The following PRPSAP1 variants were observed in gnomAD, a reference collection of about 807,000 sequenced individuals.
PRPSAP1 encodes the protein phosphoribosyl pyrophosphate synthetase associated protein 1.
A neutral mutation model predicts 39.4 loss-of-function variants in PRPSAP1; 31 were observed. The ratio of observed to expected loss-of-function variants is 0.79; its 90% CI spans 0.59 to 1.06. The LOEUF (loss-of-function observed/expected upper bound fraction) is 1.06. PRPSAP1 is among the 50% of genes least tolerant of loss of function. PRPSAP1 has a pLI of 0.00. For synonymous variants in PRPSAP1, 212 were observed against 192.6 expected (o/e 1.10, Z -0.83); for missense variants, 430 against 511.6 (o/e 0.84, Z 1.54).
At chr17:76,316,185 A>G (rs1345755460) in intron 7 of PRPSAP1, among the ~76,000 whole-genome samples, 1 of 146,276 alleles carries the variant, frequency 6.8e-6, no homozygotes, top group Non-Finnish European at 1.5e-5. Context: ...AAAAAAAAAA[A>G]AAAAAAGAAA....
At chr17:76,320,016 T>C (rs1219923230) in intron 7 of PRPSAP1, among the ~76,000 whole-genome samples, 1 of 151,154 alleles carries the variant, frequency 6.6e-6, no homozygotes, top group Non-Finnish European at 1.5e-5. Context: ...ACATCTGTAA[T>C]CCCAGCACTT....
chr17:76,338,536 C>T (rs1196194147), intron 3 of PRPSAP1, among the ~76,000 whole-genome samples: 2 of 151,850 alleles, frequency 1.3e-5, no homozygotes, highest in African/African-American at 2.4e-5. Flanking sequence ...AACCCCATCT[C>T]TACTAAAAAT....
rs2071367956 is a variant in PRPSAP1 at position 76,335,465 on chromosome 17, C to T, written c.291-3030G>A. ...CTGCCTCCTGGGTTCAAGCAATTCT[C>T]CTGCCTCAGCCTCTCAAGTAGCGGG... On this transcript the variant is annotated intron_variant, in intron 3 of 9. Coordinates refer to ENST00000446526, the MANE Select transcript of PRPSAP1 (RefSeq NM_002766.3). 2.0e-5 allele frequency among the ~76,000 whole-genome samples: 3 copies of T among 152,120 alleles called. No homozygotes were observed. In the South Asian group the frequency reaches 6.2e-4, roughly 31 times the overall value.
chr17:76,320,528 G>A (rs1250276422), intron 7 of PRPSAP1, among the ~76,000 whole-genome samples: 1 of 142,520 alleles, frequency 7.0e-6, no homozygotes, highest in Non-Finnish European at 1.5e-5. Flanking sequence ...AGGTTCAAGT[G>A]ATTTTCCTGA....
At chr17:76,351,602 G>A (rs1305761083) in intron 1 of PRPSAP1, among the ~76,000 whole-genome samples, 5 of 152,102 alleles carry the variant, frequency 3.3e-5, no homozygotes, top group African/African-American at 9.7e-5. Context: ...CAGGAGAATC[G>A]CTTGAACTTG....
chr17:76,322,566 T>C (rs904752822), intron 7 of PRPSAP1, among the ~76,000 whole-genome samples: 8 of 152,022 alleles, frequency 5.3e-5, no homozygotes, highest in African/African-American at 1.9e-4. Flanking sequence ...AATAAGGTGA[T>C]CCTCCCACCT....
At chr17:76,352,673 GA>G (rs1322529134) in intron 1 of PRPSAP1, among the ~76,000 whole-genome samples, 9 of 139,324 alleles carry the variant, frequency 6.5e-5, no homozygotes, top group South Asian at 2.3e-4. Flanking sequence ...AAAAAGAAAA[GA>G]AAAAGAAAAA....
chr17:76,313,340 A>T, intron 8 of PRPSAP1: 1 of 264,368 alleles, frequency 3.8e-6, no homozygotes, highest in South Asian at 9.8e-5. Context: ...TTTTTCAAAT[A>T]GACTGTGACA....
Position 76,353,570 on chromosome 17 carries a change from G to A in PRPSAP1, c.134C>T (p.Thr45Met). Residue 45 changes from threonine to methionine, a missense_variant, in exon 1 of 10, where the codon ACG becomes ATG. By Grantham distance (81) the Thr-to-Met change is moderately conservative (BLOSUM62 -1). Coordinates refer to ENST00000446526, the MANE Select transcript of PRPSAP1 (RefSeq NM_002766.3). ...CTTGGCCAGCTCCGTGCAGGCGGCC[G>A]TGGAGTTGGCCGAGAAGACTCGGTA... ...TGYRVFSANSTAACTELAKRI... is the reference protein window; with the variant it reads ...TGYRVFSANSMAACTELAKRI... 2.6e-6 allele frequency: 4 copies of A among 1,559,020 alleles called. No individual in the cohort carries two copies. The highest frequency in any genetic ancestry group is 2.5e-5 in the East Asian group (1 of 40,010).
At chr17:76,345,159 T>G (rs1204214248) in intron 2 of PRPSAP1, among the ~76,000 whole-genome samples, 1 of 139,876 alleles carries the variant, frequency 7.1e-6, no homozygotes, top group Non-Finnish European at 1.5e-5. Context: ...GGCGTGAACC[T>G]GGGAGGCAGA....
chr17:76,342,533 T>C (rs1328907859), intron 3 of PRPSAP1, among the ~76,000 whole-genome samples: 1 of 150,912 alleles, frequency 6.6e-6, no homozygotes, highest in African/African-American at 2.4e-5. Flanking sequence ...CTGGGCAACA[T>C]GGCAAAACCT....
At chr17:76,330,219 TA>T in intron 5 of PRPSAP1, 121 bp from the exon 6 acceptor site, 2 of 845,166 alleles carry the variant, frequency 2.4e-6, no homozygotes, top group South Asian at 3.6e-5. Context: ...GCTAGAATTT[TA>T]GTCACAAGTT....
chr17:76,325,047 CAGAG>C (rs1417121006), intron 7 of PRPSAP1, among the ~76,000 whole-genome samples: 3 of 136,858 alleles, frequency 2.2e-5, no homozygotes, highest in African/African-American at 5.5e-5. Flanking sequence ...GCCTGGACGA[CAGAG>C]AGAGACTCGT....
chr17:76,329,987 C>T, intron 6 of PRPSAP1, 56 bp downstream of exon 6: 2 of 1,530,688 alleles, frequency 1.3e-6, no homozygotes, highest in Admixed American at 1.7e-5. Context: ...CAAAGCAGCT[C>T]ATTCTGACTT....
intron 7 of PRPSAP1, chr17:76,314,754 A>C (rs543892152): frequency 6.6e-6 from 1 of 152,264 alleles, no homozygotes; most frequent in Non-Finnish European, 1.5e-5. Flanking sequence ...GCCGTGTCTC[A>C]TGAGCTCAGC....
At chr17:76,330,735 A>G in intron 4 of PRPSAP1, 69 bp from the exon 5 acceptor site, 1 of 939,056 alleles carries the variant, frequency 1.1e-6, no homozygotes, top group Non-Finnish European at 1.6e-6. Flanking sequence ...GACCTAAACT[A>G]GATGCTCAAC....
Position 76,311,541 on chromosome 17 carries a change from G to A in PRPSAP1, c.*1C>T. 6.2e-7 allele frequency: 1 copy of A among 1,613,432 alleles called. No individual in the cohort carries two copies. The highest frequency in any genetic ancestry group is 8.5e-7 in the Non-Finnish European group (1 of 1,179,702). Reference sequence around the variant, plus strand: ...GTCCAGGGTCGAGACCCTCGTGAAAGCTAGTCATCCACAGTGATGTTTCGG... The same window carrying A: ...GTCCAGGGTCGAGACCCTCGTGAAAACTAGTCATCCACAGTGATGTTTCGG... On this transcript the variant is annotated 3_prime_UTR_variant, in exon 10 of 10. Transcript: ENST00000446526.
rs1418335381 is a variant in PRPSAP1, at chr17:76,328,878, G to C, written c.636-16C>G. ...GGACTGGGCCCTAGAAGGACAAAGG[G>C]AAATGGTGAAACTGACAGGAAGAAA... On this transcript the variant is annotated splice_polypyrimidine_tract_variant and intron_variant, in intron 6 of 9. Transcript: ENST00000446526. 3 of 1,594,048 alleles carry C rather than the reference G, an allele frequency of 1.9e-6. No homozygotes were observed. The East Asian group carries it at 6.7e-5, about 36-fold the overall frequency.
At chr17:76,314,437 G>C (rs1422849253) in intron 7 of PRPSAP1, 2 of 155,494 alleles carry the variant, frequency 1.3e-5, no homozygotes, top group East Asian at 1.9e-4. Flanking sequence ...GGCTGGTCTC[G>C]AACTCCTGAC....
Sources: allele counts gnomAD v4.1 joint callset (sites outside exome capture counted in the v4.1 genomes callset), GRCh38; gene constraint gnomAD v4.1.1; transcripts MANE v1.5; gene names NCBI Gene and HGNC (gene_info 2026-07-23, HGNC 2026-07-21).